Variants in MEAF6 observed in about 807,000 individuals in gnomAD.
The protein encoded by MEAF6 is MYST/Esa1 associated factor 6, also known as chromatin modification-related protein MEAF6.
Under a neutral mutation model 28.9 loss-of-function variants are expected in MEAF6, and 15 were observed. The ratio of observed to expected loss-of-function variants is 0.52; its 90% CI spans 0.35 to 0.80. The LOEUF (loss-of-function observed/expected upper bound fraction) is 0.80, where lower values mean the gene tolerates loss of function less well. MEAF6 is among the 30% of genes least tolerant of loss of function. MEAF6 has a pLI of 0.01. For missense variants in MEAF6, 178 were observed against 237.5 expected, an observed-to-expected ratio of 0.75 and a Z score of 1.65; for synonymous variants, 97 against 88.7, an observed-to-expected ratio of 1.09 and a Z score of -0.53.
Position 37,493,802 on chromosome 1 carries a change from G to A in MEAF6, c.*297C>T, listed in dbSNP as rs375890810. 44 of 1,550,820 alleles carry A rather than the reference G, an allele frequency of 2.8e-5. No individual in the cohort carries two copies. The East Asian group carries it at 4.4e-4, about 16-fold the overall frequency. ...GAAGCTGGTGCCAGCCAGTTTTGGGGGAGACATTCATTCTAAGAAGGGAGA... is the reference window on the plus strand; with the variant it reads ...GAAGCTGGTGCCAGCCAGTTTTGGGAGAGACATTCATTCTAAGAAGGGAGA... On this transcript the variant is annotated 3_prime_UTR_variant, in exon 7 of 7. Coordinates refer to ENST00000296214, the MANE Select transcript of MEAF6 (RefSeq NM_001270875.3).
At chr1:37,507,492 A>G (rs1642525426) in intron 4 of MEAF6, among the ~76,000 whole-genome samples, 1 of 152,062 alleles carries the variant, frequency 6.6e-6, no homozygotes, top group Admixed American at 6.6e-5. Context: ...AGTCATAGTA[A>G]AAGAAAAATC....
intron 5 of MEAF6, among the ~76,000 whole-genome samples, chr1:37,498,254 G>T (rs551068500): frequency 9.9e-5 from 15 of 152,220 alleles, no homozygotes; most frequent in African/African-American, 3.6e-4. Context: ...TACAGTAGGT[G>T]TATGAAACTA....
At chr1:37,495,945 T>A (rs937820392) in intron 5 of MEAF6, 27 bp from the exon 6 acceptor site, 1 of 1,603,262 alleles carries the variant, frequency 6.2e-7, no homozygotes, top group Admixed American at 1.7e-5. Context: ...AAAAGATATT[T>A]CCATTTTAAT....
intron 4 of MEAF6, among the ~76,000 whole-genome samples, chr1:37,504,645 A>G (rs1642418537): frequency 6.6e-6 from 1 of 151,174 alleles, no homozygotes; most frequent in African/African-American, 2.4e-5. Flanking sequence ...GGTGGTGAGC[A>G]CTTGTAATCC....
At chr1:37,496,344 C>T (rs917855701) in intron 5 of MEAF6, among the ~76,000 whole-genome samples, 1 of 152,082 alleles carries the variant, frequency 6.6e-6, no homozygotes, top group Non-Finnish European at 1.5e-5. Context: ...ACACGAAACA[C>T]AAAATAAATT....
chr1:37,510,273 G>A (rs964702418), intron 2 of MEAF6, among the ~76,000 whole-genome samples: 3 of 151,018 alleles, frequency 2.0e-5, no homozygotes, highest in African/African-American at 7.3e-5. Context: ...AGTAGAGACG[G>A]GATTTCACCA....
chr1:37,504,432 G>A (rs1642411027), intron 4 of MEAF6, among the ~76,000 whole-genome samples: 1 of 152,032 alleles, frequency 6.6e-6, no homozygotes. Flanking sequence ...AAGGATGAGT[G>A]AGGGAAGACT....
intron 4 of MEAF6, among the ~76,000 whole-genome samples, chr1:37,504,325 T>C (rs1313460474): frequency 6.6e-6 from 1 of 152,230 alleles, no homozygotes; most frequent in Non-Finnish European, 1.5e-5. Context: ...TATTTCTTTA[T>C]AGCAGTGTGA....
chr1:37,491,413 G>A lies in MEAF6; in HGVS notation c.*2686C>T, dbSNP rs1641924825. On this transcript the variant is annotated 3_prime_UTR_variant, in exon 7 of 7. Transcript: ENST00000296214. ...CCAGCTACTGGGGAGGCTGAGGCAG[G>A]AGAATTGCTTGATACCTATAATCCC... 6.6e-6 allele frequency among the ~76,000 whole-genome samples: 1 copy of A among 152,250 alleles called. No individual in the cohort carries two copies. The highest frequency in any genetic ancestry group is 1.5e-5 in the Non-Finnish European group (1 of 68,048).
chr1:37,501,004 C>G (rs758925987), intron 5 of MEAF6: 7 of 154,152 alleles, frequency 4.5e-5, no homozygotes, highest in Non-Finnish European at 7.3e-5. Flanking sequence ...TTGAGGCCAG[C>G]AAAACTCCTT....
intron 4 of MEAF6, among the ~76,000 whole-genome samples, chr1:37,504,460 T>C (rs2148075859): frequency 6.6e-6 from 1 of 152,238 alleles, no homozygotes; most frequent in African/African-American, 2.4e-5. Context: ...TACTCAACTG[T>C]TGAAGGATCC....
chr1:37,511,518 C>G (rs1198624525), intron 2 of MEAF6, among the ~76,000 whole-genome samples: 1 of 152,162 alleles, frequency 6.6e-6, no homozygotes, highest in Non-Finnish European at 1.5e-5. Context: ...TCCAAAATTA[C>G]TTGTTAATCA....
intron 5 of MEAF6, among the ~76,000 whole-genome samples, chr1:37,497,358 C>T (rs574598453): frequency 5.0e-4 from 76 of 152,056 alleles, no homozygotes; most frequent in Non-Finnish European, 6.8e-4. Context: ...CCTGCCTCAG[C>T]CTCCCTCAAG....
In MEAF6 at chr1:37,492,129, T is replaced by C. The variant is rs754332929; in HGVS notation, c.*1970A>G. 5.9e-5 allele frequency among the ~76,000 whole-genome samples: 9 copies of C among 152,030 alleles called. No homozygotes were observed. Among genetic ancestry groups the C allele is most frequent in the Non-Finnish European group, 1.2e-4 (8 of 67,952 alleles). ...CTGTAAGCTCCGCCTCCCAGGTTCA[T>C]GCCATTCTCCTGCCTCAGCCTCCCG... is the stretch of plus-strand genomic sequence containing the variant. On this transcript the variant is annotated 3_prime_UTR_variant, in exon 7 of 7. Transcript: ENST00000296214.
intron 5 of MEAF6, chr1:37,501,425 A>C (rs1642299268): frequency 1.8e-5 from 3 of 164,406 alleles, no homozygotes; most frequent in African/African-American, 4.8e-5. Flanking sequence ...TACCAGCAGA[A>C]GACTTTATCC....
chr1:37,500,196 T>C (rs1386426663), intron 5 of MEAF6, among the ~76,000 whole-genome samples: 1 of 152,020 alleles, frequency 6.6e-6, no homozygotes, highest in African/African-American at 2.4e-5. Flanking sequence ...CTCAGGAGGC[T>C]GAGGCAGGAG....
At chr1:37,503,391 C>T (rs61778058) in intron 4 of MEAF6, among the ~76,000 whole-genome samples, 29,580 of 152,096 alleles carry the variant, frequency 0.19, 3,368 homozygotes, top group East Asian at 0.32. Context: ...TATCTCATGC[C>T]TGCAATCCCA....
At position 37,490,244 on chromosome 1, in the gene MEAF6, T is replaced by C. The variant is rs1344390593; in HGVS notation, c.*3855A>G. 1.3e-5 allele frequency among the ~76,000 whole-genome samples: 2 copies of C among 151,994 alleles called. No individual in the cohort carries two copies. Among genetic ancestry groups the C allele is most frequent in the African/African-American group, 2.4e-5 (1 of 41,390 alleles). On this transcript the variant is annotated 3_prime_UTR_variant, in exon 7 of 7. Transcript: ENST00000296214. ...GCATCGACTCCACCACAGCCCACTT[T>C]AGTGGTGACAACTTTTAATCCACGG...
chr1:37,508,162 T>C (rs747233083), intron 4 of MEAF6, among the ~76,000 whole-genome samples: 2 of 152,120 alleles, frequency 1.3e-5, no homozygotes, highest in South Asian at 2.1e-4. Flanking sequence ...AATTAGACTG[T>C]ATGGCTTATG....
Sources: allele counts gnomAD v4.1 joint callset (sites outside exome capture counted in the v4.1 genomes callset), GRCh38; gene constraint gnomAD v4.1.1; transcripts MANE v1.5; gene names NCBI Gene and HGNC (gene_info 2026-07-23, HGNC 2026-07-21).